Variants in PCDHGA9 observed in about 807,000 individuals in gnomAD.
The protein encoded by PCDHGA9 is protocadherin gamma-A9.
In PCDHGA9, 37 loss-of-function variants were observed where a neutral mutation model predicts 62.5. The ratio of observed to expected loss-of-function variants is 0.59; its 90% CI spans 0.46 to 0.78. PCDHGA9 has a LOEUF of 0.78. Among genes scored for constraint, PCDHGA9 ranks in the 30% least tolerant of loss-of-function variants. PCDHGA9 has a pLI of 0.00. For missense variants in PCDHGA9, 1,138 were observed against 1,166.2 expected, an observed-to-expected ratio of 0.98 and a Z score of 0.35; for synonymous variants, 459 against 484.6, an observed-to-expected ratio of 0.95 and a Z score of 0.69.
chr5:141,490,993 C>G lies in PCDHGA9; in HGVS notation c.2425-3814C>G, dbSNP rs746618787. 1.9e-6 allele frequency: 3 copies of G among 1,614,140 alleles called. No individual in the cohort carries two copies. Among genetic ancestry groups the G allele is most frequent in the Non-Finnish European group, 2.5e-6 (3 of 1,180,030 alleles). On this transcript the variant is annotated intron_variant, in intron 1 of 3. Coordinates refer to ENST00000573521, the MANE Select transcript of PCDHGA9 (RefSeq NM_018921.3). The surrounding 1 kb of genome is among the most constrained non-coding windows in gnomAD (Gnocchi z 5.4). ...CCAGCGTCTCCCTCGCTCTGCTCCT[C>G]CTGGCTCCTTGGTCACCAAGGTGAC...
At chr5:141,479,186 T>A (rs956575218) in intron 1 of PCDHGA9, 1 of 152,590 alleles carries the variant, frequency 6.6e-6, no homozygotes, top group Non-Finnish European at 1.5e-5. Flanking sequence ...GCTAGAAAAT[T>A]CAGAAAATAC....
At chr5:141,475,840 A>T in intron 1 of PCDHGA9, 1 of 434,888 alleles carries the variant, frequency 2.3e-6, no homozygotes, top group Non-Finnish European at 4.1e-6. Flanking sequence ...TGTCCTGCTC[A>T]GAGAGCCCGG....
chr5:141,489,093 A>T lies in PCDHGA9; in HGVS notation c.2425-5714A>T. ...GCCCACCCCCGCCACTCGGTGACTA[A>T]GAACTGCTGCAAGCAGGCAAACCTC... is the stretch of plus-strand genomic sequence containing the variant. On this transcript the variant is annotated intron_variant, in intron 1 of 3. Coordinates refer to ENST00000573521, the MANE Select transcript of PCDHGA9 (RefSeq NM_018921.3). This position sits in a 1 kb window ranked among gnomAD's most constrained non-coding sequence, Gnocchi z 4.5. 2.1e-6 allele frequency: 1 copy of T among 477,272 alleles called. No individual in the cohort carries two copies. Among genetic ancestry groups the T allele is most frequent in the Non-Finnish European group, 3.6e-6 (1 of 276,700 alleles). The allele number at this position is 477,272 out of a possible 1,614,324, so 29.6% of individuals were successfully genotyped here.
Position 141,490,202 on chromosome 5 carries a change from G to A in PCDHGA9, c.2425-4605G>A, listed in dbSNP as rs1594889134. On this transcript the variant is annotated intron_variant, in intron 1 of 3. Coordinates refer to ENST00000573521, the MANE Select transcript of PCDHGA9 (RefSeq NM_018921.3). The surrounding 1 kb of genome is among the most constrained non-coding windows in gnomAD (Gnocchi z 5.4). ...TCACGTTTCTATGAAATTCATGCAA[G>A]AGCCCGTGACCAGGGACAGCCTGCC... 1.2e-6 allele frequency: 2 copies of A among 1,614,220 alleles called. No homozygotes were observed. The highest frequency in any genetic ancestry group is 2.7e-5 in the African/African-American group (2 of 75,060).
chr5:141,410,730 C>CT (rs1191642079), intron 1 of PCDHGA9: 2 of 1,347,822 alleles, frequency 1.5e-6, no homozygotes, highest in Admixed American at 2.5e-5. Context: ...AAATCCATAG[C>CT]TTTTTACAAT....
At chr5:141,443,166 C>G (rs914863821) in intron 1 of PCDHGA9, among the ~76,000 whole-genome samples, 1 of 152,124 alleles carries the variant, frequency 6.6e-6, no homozygotes, top group African/African-American at 2.4e-5. Flanking sequence ...ATTTCCCTAC[C>G]CATGTCCACT....
At chr5:141,469,438 G>T (rs2099201339) in intron 1 of PCDHGA9, among the ~76,000 whole-genome samples, 1 of 152,112 alleles carries the variant, frequency 6.6e-6, no homozygotes, top group African/African-American at 2.4e-5. Flanking sequence ...AGCTGGGCGT[G>T]GTGGTGCACA....
intron 1 of PCDHGA9, chr5:141,422,905 G>A: frequency 6.2e-7 from 1 of 1,614,260 alleles, no homozygotes; most frequent in South Asian, 1.1e-5. Flanking sequence ...GAACGACAAT[G>A]CGCCCGAGAT....
intron 1 of PCDHGA9, chr5:141,429,155 G>A (rs115622025): frequency 0.044 from 6,389 of 145,752 alleles, 216 homozygotes; most frequent in African/African-American, 0.099. Flanking sequence ...CACCCGGCCC[G>A]GAGACATTGT....
chr5:141,409,409 A>C, intron 1 of PCDHGA9: 4 of 1,614,046 alleles, frequency 2.5e-6, no homozygotes, highest in Non-Finnish European at 3.4e-6. Flanking sequence ...TAACTACTAC[A>C]AACTGGTGAC....
At chr5:141,430,925 C>G (rs1313621122) in intron 1 of PCDHGA9, 2 of 1,607,162 alleles carry the variant, frequency 1.2e-6, no homozygotes, top group Non-Finnish European at 8.5e-7. Context: ...GGGGCTGGAG[C>G]CCCGGGAGCT....
At chr5:141,423,095 A>G (rs2096708889) in intron 1 of PCDHGA9, 3 of 1,613,978 alleles carry the variant, frequency 1.9e-6, no homozygotes, top group Non-Finnish European at 2.5e-6. Flanking sequence ...GTGGGGGAGC[A>G]CACGGGCGAG....
chr5:141,498,065 G>C (rs1197771947), intron 2 of PCDHGA9, among the ~76,000 whole-genome samples: 1 of 152,220 alleles, frequency 6.6e-6, no homozygotes, highest in Non-Finnish European at 1.5e-5. Context: ...GACTGAAACT[G>C]TCATAAGTGC....
At position 141,404,658 on chromosome 5, in the gene PCDHGA9, C is replaced by A; in HGVS notation, c.1706C>A (p.Thr569Asn). The change falls in exon 1 of 4, where the codon ACT becomes AAT. Residue 569 changes from threonine (T) to asparagine (N), a missense_variant. Thr to Asn is a moderately conservative substitution (Grantham distance 65). Transcript: ENST00000573521. ...GAAATCCTGTACCCTGCCCTCCCCA[C>A]TGATGGTTCTACTGGTGTGGAGCTG... is the stretch of plus-strand genomic sequence containing the variant. ...APEILYPALP[T>N]DGSTGVELAP... The A allele has an allele frequency of 6.2e-7, 1 of 1,614,198 alleles. No individual in the cohort carries two copies. The highest frequency in any genetic ancestry group is 8.5e-7 in the Non-Finnish European group (1 of 1,180,028).
intron 1 of PCDHGA9, chr5:141,420,076 TCCC>T: frequency 1.9e-6 from 3 of 1,613,956 alleles, no homozygotes; most frequent in Non-Finnish European, 2.5e-6. Context: ...GACCTGTGGG[TCCC>T]CCCAACTACA....
rs769249726 is a variant in PCDHGA9 at position 141,490,832 on chromosome 5, A to C, written c.2425-3975A>C. On this transcript the variant is annotated intron_variant, in intron 1 of 3. Transcript: ENST00000573521. This position sits in a 1 kb window ranked among gnomAD's most constrained non-coding sequence, Gnocchi z 5.4. Reference sequence around the variant, plus strand: ...GACTATGAATTGCTGCAGATGCTGCAGATTGTGGTGGGGGTTCGAGACTCC... The same window carrying C: ...GACTATGAATTGCTGCAGATGCTGCCGATTGTGGTGGGGGTTCGAGACTCC... 1.5e-5 allele frequency: 25 copies of C among 1,613,796 alleles called. No individual in the cohort carries two copies. In the South Asian group the frequency reaches 2.6e-4, roughly 17 times the overall value.
In PCDHGA9 at chr5:141,456,564, A is replaced by G. The variant is rs1174191537; in HGVS notation, c.2425-38243A>G. ...TTGTAGCCACTCGGGGCTGAAGCCC[A>G]CATTTTCCCTGAGCCTGTCAATAAT... On this transcript the variant is annotated intron_variant, in intron 1 of 3. Coordinates refer to ENST00000573521, the MANE Select transcript of PCDHGA9 (RefSeq NM_018921.3). Among the ~76,000 whole-genome samples the G allele has an allele frequency of 2.6e-5, 4 of 152,338 alleles. No individual in the cohort carries two copies. The South Asian group carries it at 6.2e-4, about 24-fold the overall frequency.
rs138831045 is a variant in PCDHGA9 at position 141,462,238 on chromosome 5, G to A, written c.2425-32569G>A. Among the ~76,000 whole-genome samples the A allele has an allele frequency of 2.9e-3, 441 of 152,288 alleles. 3 individuals carry two copies. Among genetic ancestry groups the A allele is most frequent in the African/African-American group, 9.9e-3 (412 of 41,566 alleles). On this transcript the variant is annotated intron_variant, in intron 1 of 3. Coordinates refer to ENST00000573521, the MANE Select transcript of PCDHGA9 (RefSeq NM_018921.3). ...GCCTCCCAAAGTGCAGGGATTACAG[G>A]TATGAGCCACCATGACCAGCCTAAA...
intron 1 of PCDHGA9, among the ~76,000 whole-genome samples, chr5:141,451,090 A>G (rs2098706546): frequency 6.6e-6 from 1 of 151,864 alleles, no homozygotes; most frequent in Non-Finnish European, 1.5e-5. Context: ...GACCTCCCAA[A>G]GTGTTGGGAT....
Sources: gnomAD v4.1 joint callset for allele counts (sites outside exome capture counted in the v4.1 genomes callset) on GRCh38, gnomAD v4.1.1 for gene constraint, Gnocchi (gnomAD v3.1) non-coding constraint, MANE v1.5 for transcripts, NCBI Gene and HGNC (gene_info 2026-07-23, HGNC 2026-07-21) for gene names.